LINGO2: variants seen among roughly 807,000 people sequenced by gnomAD.
LINGO2 encodes leucine-rich repeat and immunoglobulin-like domain-containing nogo receptor-interacting protein 2.
A neutral mutation model predicts 30.6 loss-of-function variants in LINGO2; 14 were observed. The observed-to-expected ratio is 0.46, with a 90% CI of 0.30 to 0.72. The LOEUF (loss-of-function observed/expected upper bound fraction) is 0.72. Ranked by LOEUF, LINGO2 falls within the 30% of genes least tolerant of loss-of-function variation. The pLI is 0.07. For synonymous variants in LINGO2, 317 were observed against 288.5 expected, an observed-to-expected ratio of 1.10 and a Z score of -1.00; for missense variants, 729 against 751.7, an observed-to-expected ratio of 0.97 and a Z score of 0.35.
the LINGO2 span, among the ~76,000 whole-genome samples, chr9:28,975,781 T>G: frequency 6.6e-6 from 1 of 152,208 alleles, no homozygotes; most frequent in Non-Finnish European, 1.5e-5. Context: ...ATTGATAATC[T>G]AAAGATAGCA....
At chr9:29,010,351 G>C in the LINGO2 span, among the ~76,000 whole-genome samples, 1 of 152,140 alleles carries the variant, frequency 6.6e-6, no homozygotes, top group East Asian at 1.9e-4. Flanking sequence ...TGTGGAAAGA[G>C]AATGTGAGCA....
chr9:28,428,039 C>T (rs1363298072), intron 2 of LINGO2, among the ~76,000 whole-genome samples: 1 of 152,092 alleles, frequency 6.6e-6, no homozygotes, highest in Non-Finnish European at 1.5e-5. Context: ...CAGTTGCACC[C>T]AGGACAGTAG....
the LINGO2 span, among the ~76,000 whole-genome samples, chr9:28,911,448 T>C: frequency 7.5e-3 from 1,135 of 152,120 alleles, 17 homozygotes; most frequent in African/African-American, 0.026. Context: ...ACCATATTCA[T>C]ATCTTTGATC....
chr9:28,198,377 G>C (rs10968383), intron 4 of LINGO2, among the ~76,000 whole-genome samples: 12,621 of 152,054 alleles, frequency 0.083, 697 homozygotes, highest in East Asian at 0.2. Context: ...ATACTCTCTG[G>C]ATAAATATAC....
At chr9:28,044,003 T>C (rs1250225461) in intron 4 of LINGO2, among the ~76,000 whole-genome samples, 1 of 152,208 alleles carries the variant, frequency 6.6e-6, no homozygotes, top group East Asian at 1.9e-4. Context: ...CCCCATTTGG[T>C]TTGGAGTATT....
chr9:28,929,669 T>C, the LINGO2 span, among the ~76,000 whole-genome samples: 2 of 152,198 alleles, frequency 1.3e-5, no homozygotes, highest in South Asian at 2.1e-4. Flanking sequence ...CATGACATCA[T>C]GGCACACATA....
chr9:29,195,439 G>A, the LINGO2 span, among the ~76,000 whole-genome samples: 6 of 151,878 alleles, frequency 4.0e-5, no homozygotes, highest in African/African-American at 1.5e-4. Context: ...ACATTAAGGA[G>A]ATGCTTAATT....
At chr9:28,680,729 G>A in the LINGO2 span, among the ~76,000 whole-genome samples, 8 of 151,920 alleles carry the variant, frequency 5.3e-5, no homozygotes, top group South Asian at 4.2e-4. Flanking sequence ...TAGTGATTGC[G>A]AGCATTTTTT....
the LINGO2 span, among the ~76,000 whole-genome samples, chr9:28,953,104 A>G: frequency 6.6e-6 from 1 of 152,156 alleles, no homozygotes; most frequent in Non-Finnish European, 1.5e-5. Context: ...TACTCACTCT[A>G]CAAGAGTTAA....
At chr9:28,171,755 T>A (rs1295647454) in intron 4 of LINGO2, among the ~76,000 whole-genome samples, 2 of 151,582 alleles carry the variant, frequency 1.3e-5, no homozygotes, top group African/African-American at 4.9e-5. Flanking sequence ...GCGCCTGTAA[T>A]CCCAGCACTT....
At chr9:28,655,670 G>A (rs1828304477) in intron 1 of LINGO2, among the ~76,000 whole-genome samples, 1 of 151,966 alleles carries the variant, frequency 6.6e-6, no homozygotes, top group South Asian at 2.1e-4. Context: ...CCTCCATCCT[G>A]TTCTCGTGAT....
At chr9:27,949,889 C>T in exon 6 of LINGO2, 1 of 1,613,974 alleles carries the variant, frequency 6.2e-7, no homozygotes, top group Non-Finnish European at 8.5e-7. Flanking sequence ...GTACAGTAGA[C>T]AGATTGGTGT....
At chr9:29,206,062 T>C in the LINGO2 span, among the ~76,000 whole-genome samples, 1 of 152,238 alleles carries the variant, frequency 6.6e-6, no homozygotes, top group African/African-American at 2.4e-5. Context: ...CAGTATTTCA[T>C]TCCTTTTCAC....
intron 1 of LINGO2, among the ~76,000 whole-genome samples, chr9:28,627,324 A>G (rs1826725839): frequency 6.6e-6 from 1 of 152,062 alleles, no homozygotes; most frequent in Admixed American, 6.6e-5. Context: ...CCTCCAATAG[A>G]CAAATAATAT....
At chr9:28,009,470 AAT>A (rs1249200243) in intron 5 of LINGO2, among the ~76,000 whole-genome samples, 1 of 152,096 alleles carries the variant, frequency 6.6e-6, no homozygotes, top group Non-Finnish European at 1.5e-5. Flanking sequence ...GTAAATTATA[AAT>A]ATATAATAAA....
At chr9:28,715,486 A>G in the LINGO2 span, among the ~76,000 whole-genome samples, 1 of 152,116 alleles carries the variant, frequency 6.6e-6, no homozygotes, top group African/African-American at 2.4e-5. Flanking sequence ...CAGTCCCCTA[A>G]CATTAGATAA....
the LINGO2 span, among the ~76,000 whole-genome samples, chr9:29,151,136 C>A: frequency 6.6e-6 from 1 of 151,760 alleles, no homozygotes; most frequent in African/African-American, 2.4e-5. Context: ...AAAAAAATTT[C>A]AACCAAGAAT....
At chr9:28,079,763 A>T (rs1825723179) in intron 4 of LINGO2, among the ~76,000 whole-genome samples, 1 of 152,174 alleles carries the variant, frequency 6.6e-6, no homozygotes, top group Admixed American at 6.5e-5. Flanking sequence ...GGAAACTTCC[A>T]AATGCACATC....
chr9:29,096,987 C>A, the LINGO2 span, among the ~76,000 whole-genome samples: 2 of 138,544 alleles, frequency 1.4e-5, no homozygotes, highest in Non-Finnish European at 3.1e-5. Context: ...CATAAGAAAA[C>A]CTTATGAAAT....
Sources: allele counts gnomAD v4.1 joint callset (sites outside exome capture counted in the v4.1 genomes callset), GRCh38; gene constraint gnomAD v4.1.1; transcripts MANE v1.5; gene names NCBI Gene and HGNC (gene_info 2026-07-23, HGNC 2026-07-21).